Variants in ITGA11 observed in about 807,000 individuals in gnomAD.
The protein encoded by ITGA11 is integrin alpha-11.
ITGA11 carries 97 observed loss-of-function variants against 141.9 expected under a neutral mutation model. That is an observed-to-expected ratio of 0.68 (90% CI 0.58 to 0.81). The LOEUF (loss-of-function observed/expected upper bound fraction) is 0.81, where lower values mean the gene tolerates loss of function less well. Among genes scored for constraint, ITGA11 ranks in the 30% least tolerant of loss-of-function variants. ITGA11 has a pLI of 0.00. For missense variants in ITGA11, 1,387 were observed against 1,559.2 expected (o/e 0.89, Z 1.86); for synonymous variants, 658 against 624.6 (o/e 1.05, Z -0.80).
At chr15:68,331,167 G>C in intron 14 of ITGA11, 56 bp from the exon 15 acceptor site, 2 of 1,467,984 alleles carry the variant, frequency 1.4e-6, no homozygotes, top group Non-Finnish European at 1.9e-6. Flanking sequence ...GTGGGGGCGG[G>C]CGTCCCCGAG....
chr15:68,347,789 C>T (rs929209372), intron 10 of ITGA11, among the ~76,000 whole-genome samples: 1 of 152,160 alleles, frequency 6.6e-6, no homozygotes, highest in Non-Finnish European at 1.5e-5. Flanking sequence ...CTGCCCTATC[C>T]ACCTCACAGA....
rs1893230594 is a variant in ITGA11, at chr15:68,307,311, G to C, written c.3381+37C>G. The C allele has an allele frequency of 6.9e-7, 1 of 1,448,434 alleles. No homozygotes were observed. The highest frequency in any genetic ancestry group is 1.4e-5 in the African/African-American group (1 of 70,874). The allele number at this position is 1,448,434 out of a possible 1,614,324, so 89.7% of individuals were successfully genotyped here. ...GGCCAACCCTTTCCCAAGCTGTCCGGCCTAAGCCCAGTTCTGCAGGGCTCC... is the reference window on the plus strand; with the variant it reads ...GGCCAACCCTTTCCCAAGCTGTCCGCCCTAAGCCCAGTTCTGCAGGGCTCC... On this transcript the variant is annotated intron_variant, in intron 28 of 29. Coordinates refer to ENST00000315757, the MANE Select transcript of ITGA11 (RefSeq NM_001004439.2). The surrounding 1 kb of genome is among the most constrained non-coding windows in gnomAD (Gnocchi z 6.1).
At chr15:68,378,811 C>A (rs746286014) in intron 2 of ITGA11, among the ~76,000 whole-genome samples, 9 of 152,202 alleles carry the variant, frequency 5.9e-5, no homozygotes, top group Non-Finnish European at 8.8e-5. Flanking sequence ...CTTGGGCACA[C>A]ACCTGTTGAC....
intron 2 of ITGA11, among the ~76,000 whole-genome samples, chr15:68,390,788 T>C (rs1896100309): frequency 6.6e-6 from 1 of 152,206 alleles, no homozygotes; most frequent in Admixed American, 6.5e-5. Flanking sequence ...GTATGCTCAT[T>C]CCTATTTTAC....
At chr15:68,363,826 C>G (rs1358243181) in intron 4 of ITGA11, among the ~76,000 whole-genome samples, 1 of 152,206 alleles carries the variant, frequency 6.6e-6, no homozygotes, top group African/African-American at 2.4e-5. Flanking sequence ...CATTGTGCCG[C>G]CCACACTCAC....
intron 1 of ITGA11, among the ~76,000 whole-genome samples, chr15:68,405,865 TATGCACAC>T (rs1414174633): frequency 1.4e-4 from 22 of 152,048 alleles, no homozygotes; most frequent in Non-Finnish European, 1.2e-4. Flanking sequence ...AACACACACG[TATGCACAC>T]ATGCACACGC....
chr15:68,320,137 TC>T, intron 20 of ITGA11, 47 bp downstream of exon 20: 1 of 1,554,316 alleles, frequency 6.4e-7, no homozygotes, highest in Non-Finnish European at 8.9e-7. Flanking sequence ...GCCTTCCTTT[TC>T]CTCTGTGCCA....
chr15:68,357,931 A>T (rs1289048890), intron 6 of ITGA11, among the ~76,000 whole-genome samples: 1 of 152,192 alleles, frequency 6.6e-6, no homozygotes, highest in Non-Finnish European at 1.5e-5. Flanking sequence ...CTCCCTTTTT[A>T]ACAGCCCTAA....
chr15:68,418,035 T>C (rs1896927363), intron 1 of ITGA11, among the ~76,000 whole-genome samples: 1 of 152,226 alleles, frequency 6.6e-6, no homozygotes, highest in Admixed American at 6.5e-5. Flanking sequence ...AAGAGCTGAT[T>C]GTGTGCACTC....
At chr15:68,431,877 G>C (rs1897276987) in intron 1 of ITGA11, 138 bp downstream of exon 1, 1 of 530,010 alleles carries the variant, frequency 1.9e-6, no homozygotes, top group African/African-American at 2.0e-5. Context: ...CAGTCCCTGG[G>C]GGACCCACGT....
At chr15:68,405,189 A>G (rs758858608) in intron 1 of ITGA11, among the ~76,000 whole-genome samples, 2 of 144,816 alleles carry the variant, frequency 1.4e-5, no homozygotes, top group East Asian at 2.0e-4. Flanking sequence ...CAGCAAACAC[A>G]TAACAGTAGC....
chr15:68,406,162 C>A (rs958728169), intron 1 of ITGA11, among the ~76,000 whole-genome samples: 6 of 152,152 alleles, frequency 3.9e-5, no homozygotes, highest in African/African-American at 1.4e-4. Context: ...CACCCCAAGC[C>A]CTCTATCAGT....
intron 2 of ITGA11, among the ~76,000 whole-genome samples, chr15:68,396,916 TTATTTATTATATAATATATA>T (rs1296783363): frequency 1.5e-4 from 14 of 91,588 alleles, no homozygotes; most frequent in Admixed American, 1.1e-3. Context: ...TTATTATATA[TTATTTATTATATAATATATA>T]ATATATTATA....
At position 68,328,394 on chromosome 15, in the gene ITGA11, A is replaced by C; in HGVS notation, c.1902-132T>G. 4 of 228,080 alleles carry C rather than the reference A, an allele frequency of 1.8e-5. No homozygotes were observed. The highest frequency in any genetic ancestry group is 3.0e-5 in the Non-Finnish European group (4 of 133,386). 14.1% of individuals were successfully genotyped at this position (228,080 alleles called of 1,614,324 possible). ...CTGGAGGGGGTGAGGTGGAGGATGG[A>C]GGGGGCGAGGTGGAGGATGGAGGGG... On this transcript the variant is annotated intron_variant, in intron 15 of 29. Transcript: ENST00000315757. This position sits in a 1 kb window ranked among gnomAD's most constrained non-coding sequence, Gnocchi z 4.8.
At position 68,328,561 on chromosome 15, in the gene ITGA11, T is replaced by C. The variant is rs1894058097; in HGVS notation, c.1902-299A>G. Among the ~76,000 whole-genome samples, 1 of 152,142 alleles carries C rather than the reference T, an allele frequency of 6.6e-6. No individual in the cohort carries two copies. The highest frequency in any genetic ancestry group is 1.5e-5 in the Non-Finnish European group (1 of 68,028). On this transcript the variant is annotated intron_variant, in intron 15 of 29. Coordinates refer to ENST00000315757, the MANE Select transcript of ITGA11 (RefSeq NM_001004439.2). The surrounding 1 kb of genome is among the most constrained non-coding windows in gnomAD (Gnocchi z 4.8). ...ATCATGCTGACTTCCCTTTGCTCCC[T>C]CATCATCTTTTATAGCAGTGGTTCC...
chr15:68,385,049 C>G (rs905861560), intron 2 of ITGA11, among the ~76,000 whole-genome samples: 4 of 152,254 alleles, frequency 2.6e-5, no homozygotes, highest in African/African-American at 4.8e-5. Context: ...AGCCTCTGCC[C>G]CATGGTAGAC....
intron 2 of ITGA11, among the ~76,000 whole-genome samples, chr15:68,387,873 C>T (rs1372429165): frequency 6.6e-6 from 1 of 152,112 alleles, no homozygotes; most frequent in African/African-American, 2.4e-5. Flanking sequence ...CTCTCTCCGC[C>T]TTCTCTTTCT....
rs746903018 is a variant in ITGA11 at position 68,333,434 on chromosome 15, G to T, written c.1426-956C>A. Among the ~76,000 whole-genome samples the T allele has an allele frequency of 1.3e-5, 2 of 152,126 alleles. No homozygotes were observed. Among genetic ancestry groups the T allele is most frequent in the African/African-American group, 2.4e-5 (1 of 41,420 alleles). On this transcript the variant is annotated intron_variant, in intron 12 of 29. Coordinates refer to ENST00000315757, the MANE Select transcript of ITGA11 (RefSeq NM_001004439.2). The surrounding 1 kb of genome is among the most constrained non-coding windows in gnomAD (Gnocchi z 4.2). ...TATAAATCATTCTGGCATTAGCATC[G>T]TGGATGGTGAATTATGATTTCTTTC... is the stretch of plus-strand genomic sequence containing the variant.
intron 3 of ITGA11, chr15:68,365,378 A>G (rs1895386182): frequency 1.0e-6 from 1 of 980,770 alleles, no homozygotes; most frequent in South Asian, 4.7e-5. Context: ...GGAGGCTGCC[A>G]AGAGAGGTGC....
Sources: allele counts gnomAD v4.1 joint callset (sites outside exome capture counted in the v4.1 genomes callset), GRCh38; gene constraint gnomAD v4.1.1; non-coding constraint Gnocchi (gnomAD v3.1); transcripts MANE v1.5; gene names NCBI Gene and HGNC (gene_info 2026-07-23, HGNC 2026-07-21).